RECQL4: variants seen among roughly 807,000 people sequenced by gnomAD.
RECQL4 encodes the protein RecQ like helicase 4.
RECQL4 carries 158 observed loss-of-function variants against 128.6 expected under a neutral mutation model. That is an observed-to-expected ratio of 1.23 (90% CI 1.08 to 1.40). The LOEUF is 1.40. RECQL4 is among the 40% of genes most tolerant of loss of function. The pLI is 0.00. For synonymous variants in RECQL4, 996 were observed against 678.9 expected, an observed-to-expected ratio of 1.47 and a Z score of -7.26; for missense variants, 2,293 against 1,649.8, an observed-to-expected ratio of 1.39 and a Z score of -6.75.
chr8:144,513,331 G>T lies in RECQL4; in HGVS notation c.2350C>A (p.Arg784=). The T allele has an allele frequency of 6.2e-7, 1 of 1,603,386 alleles. No individual in the cohort carries two copies. Residue 784 remains arginine, a synonymous_variant, in exon 14 of 21, where the codon CGG becomes AGG. Coordinates refer to ENST00000617875, the MANE Select transcript of RECQL4 (RefSeq NM_004260.4). ...GGCAGCCCCAGATGCAGCACAGCCCGCACATCTGGCCGGTCCAGCCCCATC... is the reference window on the plus strand; with the variant it reads ...GGCAGCCCCAGATGCAGCACAGCCCTCACATCTGGCCGGTCCAGCCCCATC... ...FGMGLDRPDV[R]AVLHLGLPPS... is the part of the protein sequence containing the mutation.
rs1263096303 is a variant in RECQL4, at chr8:144,513,469, T to TG, written c.2211dup (p.Lys738GlnfsTer71). On this transcript the variant is annotated frameshift_variant, in exon 14 of 21. Transcript: ENST00000617875. LOFTEE classifies it high-confidence loss of function. ...GCGTGGTAGGCCTCGGCTGTGGTTT[T>TG]GGGGGCACGACCTTTGGGGAAGACA... is the stretch of plus-strand genomic sequence containing the variant. 2 of 1,609,784 alleles carry TG rather than the reference T, an allele frequency of 1.2e-6. No individual in the cohort carries two copies. The highest frequency in any genetic ancestry group is 1.7e-6 in the Non-Finnish European group (2 of 1,179,780).
intron 4 of RECQL4, 89 bp from the exon 5 acceptor site, chr8:144,516,853 T>A (rs767878649): frequency 2.8e-5 from 40 of 1,404,326 alleles, no homozygotes; most frequent in Non-Finnish European, 3.5e-5. Flanking sequence ...CACGCTCAAT[T>A]GTAGAGCAGG....
chr8:144,517,539 G>T (rs927623571), intron 2 of RECQL4, 31 bp from the exon 3 acceptor site: 17 of 1,554,218 alleles, frequency 1.1e-5, no homozygotes, highest in Non-Finnish European at 1.5e-5. Flanking sequence ...CGGGGTCAGG[G>T]TGGGGCCTGG....
rs369939552 is a variant in RECQL4 at position 144,514,288 on chromosome 8, G to A, written c.1779C>T (p.Ala593=). The A allele has an allele frequency of 4.0e-5, 65 of 1,611,288 alleles. No homozygotes were observed. The African/African-American group carries it at 4.8e-4, about 12-fold the overall frequency. ...CAAAAGCAACTGGAGGCAGCTGTGCGGCTGGAGGGAGGCCTCCCGCCCCCA... is the reference window on the plus strand; with the variant it reads ...CAAAAGCAACTGGAGGCAGCTGTGCAGCTGGAGGGAGGCCTCCCGCCCCCA... ...ALVGAGGLPP[A]AQLPPVAFAC... is the part of the protein sequence containing the mutation. The change falls in exon 11 of 21, where the codon GCC becomes GCT. Residue 593 remains alanine, a synonymous_variant. Coordinates refer to ENST00000617875, the MANE Select transcript of RECQL4 (RefSeq NM_004260.4).
chr8:144,517,136 G>T lies in RECQL4; in HGVS notation c.268C>A (p.Pro90Thr). 1 of 1,611,830 alleles carries T rather than the reference G, an allele frequency of 6.2e-7. No individual in the cohort carries two copies. The change falls in exon 4 of 21, where the codon CCA becomes ACA. Residue 90 changes from proline to threonine, a missense_variant. Pro to Thr is a conservative substitution (Grantham distance 38, BLOSUM62 -1). Coordinates refer to ENST00000617875, the MANE Select transcript of RECQL4 (RefSeq NM_004260.4). ...CGGCTCCGCCCTGGCGTAGACTGTG[G>T]ACTCTTGGTCGCAGCCCGATTCAGA... ...PHLNRAATKSPQSTPGRSRQG... is the reference protein window; with the variant it reads ...PHLNRAATKSTQSTPGRSRQG...
chr8:144,514,519 C>G lies in RECQL4; in HGVS notation c.1627G>C (p.Gly543Arg). 1 of 1,611,322 alleles carries G rather than the reference C, an allele frequency of 6.2e-7. No individual in the cohort carries two copies. Among genetic ancestry groups the G allele is most frequent in the Middle Eastern group, 1.7e-4 (1 of 6,054 alleles). Residue 543 changes from glycine to arginine, a missense_variant, in exon 10 of 21, where the codon GGC becomes CGC. Physicochemically the swap from Gly to Arg is moderately radical, Grantham distance 125. Coordinates refer to ENST00000617875, the MANE Select transcript of RECQL4 (RefSeq NM_004260.4). ...LLSLMDDQVS[G>R]LPPCLKAACI... The stretch of plus-strand genomic sequence containing the variant: ...GCCGCCTTGAGACACGGTGGCAGGC[C>G]AGACACCTGCAAATGCAGGAGCGAC...
At chr8:144,516,813 A>G (rs374947919) in intron 4 of RECQL4, 49 bp from the exon 5 acceptor site, 83 of 1,494,326 alleles carry the variant, frequency 5.6e-5, no homozygotes, top group Non-Finnish European at 7.3e-5. Flanking sequence ...CCCCTGAGCT[A>G]CTGTAGACTC....
chr8:144,511,798 A>C lies in RECQL4; in HGVS notation c.3394-9T>G, dbSNP rs746656592. 25 of 1,612,222 alleles carry C rather than the reference A, an allele frequency of 1.6e-5. No individual in the cohort carries two copies. In the African/African-American group the frequency reaches 3.3e-4, roughly 22 times the overall value. ...TCCTCCCAATCCTGGAGCTGTGTGG[A>C]CAGGCACATCAGGCTTCCTCTGAGC... On this transcript the variant is annotated splice_polypyrimidine_tract_variant and intron_variant, in intron 19 of 20. Transcript: ENST00000617875.
Position 144,512,035 on chromosome 8 carries a change from T to C in RECQL4, c.3269A>G (p.Glu1090Gly). The part of the protein sequence containing the change: ...VAFPSCGPCL[E>G]QQDEERSTRL... ...GGTGCTGCGCTCCTCATCCTGCTGC[T>C]CCAGGCAGGGCCCGCAGCTGGGGAA... The change falls in exon 19 of 21, where the codon GAG becomes GGG. Residue 1090 changes from glutamate (E) to glycine (G), a missense_variant. Physicochemically the swap from Glu to Gly is moderately conservative, Grantham distance 98 (BLOSUM62 -2). Transcript: ENST00000617875. 6.2e-7 allele frequency: 1 copy of C among 1,608,872 alleles called. No homozygotes were observed. Among genetic ancestry groups the C allele is most frequent in the South Asian group, 1.1e-5 (1 of 90,448 alleles).
chr8:144,517,729 C>G lies in RECQL4; in HGVS notation c.56G>C (p.Arg19Pro). 7.4e-7 allele frequency: 1 copy of G among 1,350,902 alleles called. No homozygotes were observed. Among genetic ancestry groups the G allele is most frequent in the Non-Finnish European group, 9.5e-7 (1 of 1,050,542 alleles). 83.7% of individuals were successfully genotyped at this position (1,350,902 alleles called of 1,614,324 possible). A position where few individuals can be genotyped will look rare whatever the true frequency, so the allele number is the denominator to read the frequency against. Reference protein sequence around the residue: ...ERLQAWERAFRRQRGRRPSQD... With the variant: ...ERLQAWERAFPRQRGRRPSQD... ...GCTCGGTCGCCGCCCGCGCTGCCGT[C>G]GGAACGCGCGCTCCCACGCCTGCAG... Residue 19 changes from arginine to proline, a missense_variant, in exon 1 of 21, where the codon CGA becomes CCA. Physicochemically the swap from Arg to Pro is moderately radical, Grantham distance 103. Coordinates refer to ENST00000617875, the MANE Select transcript of RECQL4 (RefSeq NM_004260.4).
In RECQL4 at chr8:144,511,792, G is replaced by A; in HGVS notation, c.3394-3C>T. 1.2e-6 allele frequency: 2 copies of A among 1,612,386 alleles called. No homozygotes were observed. Among genetic ancestry groups the A allele is most frequent in the Non-Finnish European group, 1.7e-6 (2 of 1,179,718 alleles). ...ACCTGGTCCTCCCAATCCTGGAGCT[G>A]TGTGGACAGGCACATCAGGCTTCCT... On this transcript the variant is annotated splice_region_variant and splice_polypyrimidine_tract_variant and intron_variant, in intron 19 of 20. Coordinates refer to ENST00000617875, the MANE Select transcript of RECQL4 (RefSeq NM_004260.4).
rs1178243758 is a variant in RECQL4 at position 144,514,809 on chromosome 8, C to T, written c.1620+127G>A. The stretch of plus-strand genomic sequence containing the variant: ...CTTTGACCTGCTGCCAAGACTGGGA[C>T]TGAGGCCACAGACACCTTGAAGCTC... On this transcript the variant is annotated intron_variant, in intron 9 of 20. Transcript: ENST00000617875. The T allele has an allele frequency of 3.3e-6, 4 of 1,210,612 alleles. No individual in the cohort carries two copies. The African/African-American group carries it at 4.5e-5, about 14-fold the overall frequency. 75.0% of individuals were successfully genotyped at this position (1,210,612 alleles called of 1,614,324 possible). A position where few individuals can be genotyped will look rare whatever the true frequency, so the allele number is the denominator to read the frequency against.
Position 144,512,504 on chromosome 8 carries a change from GC to G in RECQL4, c.2942del (p.Gly981AlafsTer63). The G allele has an allele frequency of 6.2e-7, 1 of 1,612,548 alleles. No individual in the cohort carries two copies. ...AQQLPEDPGQ[G>X]SSSVEFDMVK... Reference sequence around the variant, plus strand: ...CCATGTCAAACTCCACGGAGCTGCTGCCTTGCCCTGGGTCCTCAGGCAGCTG... The same window carrying G: ...CCATGTCAAACTCCACGGAGCTGCTGCTTGCCCTGGGTCCTCAGGCAGCTG... On this transcript the variant is annotated frameshift_variant, in exon 17 of 21. Coordinates refer to ENST00000617875, the MANE Select transcript of RECQL4 (RefSeq NM_004260.4). LOFTEE classifies it high-confidence loss of function.
At chr8:144,516,864 C>CTAAT in intron 4 of RECQL4, 100 bp from the exon 5 acceptor site, 1 of 1,384,308 alleles carries the variant, frequency 7.2e-7, no homozygotes, top group Non-Finnish European at 9.7e-7. Flanking sequence ...GTAGAGCAGG[C>CTAAT]TAATTAGCAC....
Position 144,514,126 on chromosome 8 carries a change from T to C in RECQL4, c.1879-19A>G, listed in dbSNP as rs2130693245. 2 of 1,609,484 alleles carry C rather than the reference T, an allele frequency of 1.2e-6. No homozygotes were observed. The highest frequency in any genetic ancestry group is 1.7e-6 in the Non-Finnish European group (2 of 1,178,762). On this transcript the variant is annotated intron_variant, in intron 11 of 20. Transcript: ENST00000617875. ...GAAGCACCTGCACCAGAGGCGGCAG[T>C]GGTGTGAGGCCGCCCAGCCCATCCC...
rs151223648 is a variant in RECQL4 at position 144,512,479 on chromosome 8, C to G, written c.2968G>C (p.Val990Leu). ...CAGCCCATGGAGTCCACCAGCTTGA[C>G]CATGTCAAACTCCACGGAGCTGCTG... Reference protein sequence around the residue: ...QGSSSVEFDMVKLVDSMGWEL... With the variant: ...QGSSSVEFDMLKLVDSMGWEL... The change falls in exon 17 of 21, where the codon GTC becomes CTC. Residue 990 changes from valine to leucine, a missense_variant. Transcript: ENST00000617875. 5 of 1,612,444 alleles carry G rather than the reference C, an allele frequency of 3.1e-6. No individual in the cohort carries two copies.
At position 144,516,082 on chromosome 8, in the gene RECQL4, G is replaced by A. The variant is rs746740293; in HGVS notation, c.1037C>T (p.Ala346Val). Residue 346 changes from alanine (A) to valine (V), a missense_variant, in exon 5 of 21, where the codon GCC becomes GTC. Coordinates refer to ENST00000617875, the MANE Select transcript of RECQL4 (RefSeq NM_004260.4). ...TACGTAATTGCCCCTGTCATGGCGG[G>A]CCAGCCGAGGGAAGATGTGCAGGGG... is the stretch of plus-strand genomic sequence containing the variant. ...TAPLHIFPRL[A>V]RHDRGNYVRL... 6.2e-6 allele frequency: 10 copies of A among 1,612,560 alleles called. No homozygotes were observed. In the South Asian group the frequency reaches 9.9e-5, roughly 16 times the overall value.
chr8:144,511,670 C>A lies in RECQL4; in HGVS notation c.3502+11G>T. 2 of 1,611,746 alleles carry A rather than the reference C, an allele frequency of 1.2e-6. No homozygotes were observed. Among genetic ancestry groups the A allele is most frequent in the Non-Finnish European group, 1.7e-6 (2 of 1,179,170 alleles). ...CCCAGCCTGCAGCGGGTGGGGCCTC[C>A]CAGGCCTCACCGATGCCGTGGAAGA... On this transcript the variant is annotated intron_variant, in intron 20 of 20. Coordinates refer to ENST00000617875, the MANE Select transcript of RECQL4 (RefSeq NM_004260.4).
In RECQL4 at chr8:144,516,409, G is replaced by A. The variant is rs549683296; in HGVS notation, c.710C>T (p.Pro237Leu). The A allele has an allele frequency of 5.0e-6, 8 of 1,609,534 alleles. No individual in the cohort carries two copies. Among genetic ancestry groups the A allele is most frequent in the Admixed American group, 1.7e-5 (1 of 59,942 alleles). The part of the protein sequence containing the change: ...VLGPGAGSQG[P>L]EASAFQEVSI... ...GACTTCTTGGAAGGCTGAAGCCTCT[G>A]GGCCCTGGGAGCCAGCACCAGGACC... Residue 237 changes from proline to leucine, a missense_variant, in exon 5 of 21, where the codon CCA (proline) becomes CTA (leucine). Coordinates refer to ENST00000617875, the MANE Select transcript of RECQL4 (RefSeq NM_004260.4).
Sources: allele counts gnomAD v4.1 joint callset, GRCh38; gene constraint gnomAD v4.1.1; transcripts MANE v1.5; gene names NCBI Gene and HGNC (gene_info 2026-07-23, HGNC 2026-07-21).